Variants in MTUS2 observed in about 807,000 individuals in gnomAD.
MTUS2 encodes the protein microtubule-associated tumor suppressor candidate 2.
Under a neutral mutation model 114.1 loss-of-function variants are expected in MTUS2, and 40 were observed. That is an observed-to-expected ratio of 0.35 (90% CI 0.27 to 0.46). MTUS2 has a LOEUF of 0.46. Ranked by LOEUF, MTUS2 falls within the 20% of genes least tolerant of loss-of-function variation. MTUS2 has a pLI of 1.00. For synonymous variants in MTUS2, 688 were observed against 672.0 expected, an observed-to-expected ratio of 1.02 and a Z score of -0.37; for missense variants, 1,679 against 1,705.4, an observed-to-expected ratio of 0.98 and a Z score of 0.27.
At chr13:29,499,958 C>T (rs928902937) in intron 14 of MTUS2, among the ~76,000 whole-genome samples, 2 of 152,238 alleles carry the variant, frequency 1.3e-5, no homozygotes, top group African/African-American at 4.8e-5. Flanking sequence ...CAGGCCAGGC[C>T]TAGGGCTGGC....
intron 2 of MTUS2, among the ~76,000 whole-genome samples, chr13:28,993,741 C>G (rs1329228357): frequency 6.6e-6 from 1 of 151,954 alleles, no homozygotes; most frequent in African/African-American, 2.4e-5. Context: ...TTTCTGGGTT[C>G]TCTATTCCAT....
chr13:29,057,227 G>A (rs780064897), intron 4 of MTUS2, among the ~76,000 whole-genome samples: 3 of 151,954 alleles, frequency 2.0e-5, no homozygotes, highest in Non-Finnish European at 4.4e-5. Flanking sequence ...TTGTGTGGTC[G>A]ATTTTAGAGT....
chr13:28,931,656 A>G (rs755442406), intron 2 of MTUS2, among the ~76,000 whole-genome samples: 7 of 152,126 alleles, frequency 4.6e-5, no homozygotes, highest in Non-Finnish European at 8.8e-5. Context: ...AATACAGCAT[A>G]ATAATGACTG....
intron 2 of MTUS2, among the ~76,000 whole-genome samples, chr13:28,981,236 A>G (rs540472053): frequency 2.3e-4 from 35 of 152,370 alleles, no homozygotes; most frequent in Middle Eastern, 6.8e-3. Flanking sequence ...TACTACTAAT[A>G]TATGAACCCA....
chr13:28,856,468 G>A (rs568175632), intron 2 of MTUS2, among the ~76,000 whole-genome samples: 130 of 152,258 alleles, frequency 8.5e-4, no homozygotes, highest in Admixed American at 1.4e-3. Flanking sequence ...CGAGGGCCTG[G>A]CGCTTGGCTG....
chr13:29,118,743 G>A (rs1891189678), intron 5 of MTUS2, among the ~76,000 whole-genome samples: 1 of 152,306 alleles, frequency 6.6e-6, no homozygotes. Flanking sequence ...TCTCAAGAGA[G>A]GCAGCAAGCT....
At chr13:29,308,658 C>T (rs532291654) in intron 6 of MTUS2, among the ~76,000 whole-genome samples, 6 of 152,154 alleles carry the variant, frequency 3.9e-5, no homozygotes, top group South Asian at 2.1e-4. Flanking sequence ...ATCCATCTGA[C>T]GAAGGTCTAA....
chr13:28,850,490 C>G (rs1876195880), intron 2 of MTUS2, among the ~76,000 whole-genome samples: 2 of 152,204 alleles, frequency 1.3e-5, no homozygotes, highest in African/African-American at 4.8e-5. Context: ...TCTCTAGATT[C>G]AACCCAGAAC....
intron 2 of MTUS2, among the ~76,000 whole-genome samples, chr13:28,999,462 T>A (rs1885283530): frequency 6.6e-6 from 1 of 152,228 alleles, no homozygotes; most frequent in Non-Finnish European, 1.5e-5. Flanking sequence ...TTCATAGGGC[T>A]TACATTTATT....
intron 5 of MTUS2, among the ~76,000 whole-genome samples, chr13:29,201,936 A>G (rs1894976064): frequency 6.6e-6 from 1 of 152,058 alleles, no homozygotes; most frequent in South Asian, 2.1e-4. Context: ...TGCCCTTAAC[A>G]TTCTTTCTTT....
At chr13:29,301,315 T>C (rs1401346067) in intron 6 of MTUS2, among the ~76,000 whole-genome samples, 1 of 152,170 alleles carries the variant, frequency 6.6e-6, no homozygotes, top group Non-Finnish European at 1.5e-5. Context: ...TTTACACAGC[T>C]GCTGTGGCCC....
intron 4 of MTUS2, among the ~76,000 whole-genome samples, chr13:29,077,699 T>C (rs1160387424): frequency 2.0e-5 from 3 of 152,220 alleles, no homozygotes; most frequent in African/African-American, 7.2e-5. Flanking sequence ...GAACACCTTG[T>C]GAAGTGTCTT....
At chr13:28,934,448 ATTTAC>A (rs1881783576) in intron 2 of MTUS2, among the ~76,000 whole-genome samples, 1 of 151,202 alleles carries the variant, frequency 6.6e-6, no homozygotes, top group Admixed American at 6.6e-5. Context: ...ATGCTGTGTG[ATTTAC>A]TTTATTTTTA....
chr13:29,171,500 G>A (rs1225769364), intron 5 of MTUS2, among the ~76,000 whole-genome samples: 1 of 152,138 alleles, frequency 6.6e-6, no homozygotes, highest in East Asian at 1.9e-4. Context: ...TCTGATTTAT[G>A]AGAAAGATAA....
chr13:28,841,075 G>A (rs1365262948), intron 2 of MTUS2, among the ~76,000 whole-genome samples: 3 of 152,116 alleles, frequency 2.0e-5, no homozygotes, highest in African/African-American at 7.2e-5. Flanking sequence ...ATTTAAACTT[G>A]GACTGTTTTT....
At chr13:29,465,920 G>A (rs188535944) in intron 9 of MTUS2, among the ~76,000 whole-genome samples, 10 of 152,334 alleles carry the variant, frequency 6.6e-5, no homozygotes, top group Non-Finnish European at 1.0e-4. Context: ...TGGAGAAACC[G>A]CAACCATGAG....
intron 4 of MTUS2, among the ~76,000 whole-genome samples, chr13:29,074,048 C>T (rs1340686887): frequency 6.6e-6 from 1 of 152,168 alleles, no homozygotes; most frequent in Non-Finnish European, 1.5e-5. Flanking sequence ...TGCCTCCCAA[C>T]TGATTTCCCT....
At chr13:29,270,112 A>G (rs1460055101) in intron 5 of MTUS2, among the ~76,000 whole-genome samples, 1 of 152,148 alleles carries the variant, frequency 6.6e-6, no homozygotes, top group Non-Finnish European at 1.5e-5. Context: ...TGCAGCATGA[A>G]TACATTCTAG....
intron 3 of MTUS2, among the ~76,000 whole-genome samples, chr13:29,028,133 A>C (rs1009328290): frequency 4.2e-5 from 6 of 143,750 alleles, no homozygotes; most frequent in African/African-American, 1.8e-4. Flanking sequence ...TGGGCAGATC[A>C]CAAGGTCAGG....
Sources: allele counts gnomAD v4.1 joint callset (sites outside exome capture counted in the v4.1 genomes callset), GRCh38; gene constraint gnomAD v4.1.1; transcripts MANE v1.5; gene names NCBI Gene and HGNC (gene_info 2026-07-23, HGNC 2026-07-21).